Variants in EDEM2 observed in about 807,000 individuals in gnomAD.
EDEM2 encodes ER degradation enhancing alpha-mannosidase like protein 2, also known as ER degradation-enhancing alpha-mannosidase-like protein 2.
Under a neutral mutation model 64.8 loss-of-function variants are expected in EDEM2, and 39 were observed. The ratio of observed to expected loss-of-function variants is 0.60; its 90% CI spans 0.47 to 0.79. EDEM2 has a LOEUF of 0.79. EDEM2 is among the 30% of genes least tolerant of loss of function. The probability of loss-of-function intolerance (pLI) is 0.00; values close to 1 mark genes in which losing one functional copy is unlikely to be tolerated. For synonymous variants in EDEM2, 296 were observed against 291.5 expected (o/e 1.02, Z -0.16); for missense variants, 609 against 731.3 (o/e 0.83, Z 1.93).
intron 2 of EDEM2, among the ~76,000 whole-genome samples, chr20:35,146,002 CAAAAA>C (rs138113879): frequency 1.2e-4 from 10 of 82,796 alleles, no homozygotes; most frequent in East Asian, 4.1e-4. Flanking sequence ...AACTCCATCT[CAAAAA>C]AAAAAAAAAA....
chr20:35,144,883 G>T, intron 3 of EDEM2, 96 bp downstream of exon 3: 1 of 1,398,306 alleles, frequency 7.2e-7, no homozygotes, highest in Non-Finnish European at 1.0e-6. Flanking sequence ...AGGCCTAGGA[G>T]AGGAATTCAT....
At chr20:35,138,936 AT>A (rs1171757830) in intron 4 of EDEM2, among the ~76,000 whole-genome samples, 1 of 152,062 alleles carries the variant, frequency 6.6e-6, no homozygotes, top group Non-Finnish European at 1.5e-5. Flanking sequence ...AGCTAAATAG[AT>A]ATCCTGAGTG....
rs1312774642 is a variant in EDEM2, at chr20:35,138,000, C to G, written c.370G>C (p.Gly124Arg). Residue 124 changes from glycine (G) to arginine (R), a missense_variant, in exon 5 of 11, where the codon GGA becomes CGA. Physicochemically the swap from Gly to Arg is moderately radical, Grantham distance 125. Coordinates refer to ENST00000374492, the MANE Select transcript of EDEM2 (RefSeq NM_018217.3). Reference sequence around the variant, plus strand: ...AGCAGATGAGCAGACAGGAGTCCTCCTACCACTACAGATGGCACAGAAAGC... The same window carrying G: ...AGCAGATGAGCAGACAGGAGTCCTCGTACCACTACAGATGGCACAGAAAGC... ...SVFETNIRVVGGLLSAHLLSK... is the reference protein window; with the variant it reads ...SVFETNIRVVRGLLSAHLLSK... The G allele has an allele frequency of 6.2e-7, 1 of 1,614,004 alleles. No homozygotes were observed. Among genetic ancestry groups the G allele is most frequent in the Non-Finnish European group, 8.5e-7 (1 of 1,179,928 alleles).
intron 7 of EDEM2, among the ~76,000 whole-genome samples, chr20:35,131,162 G>A (rs1442639309): frequency 1.3e-5 from 2 of 152,212 alleles, no homozygotes; most frequent in East Asian, 1.9e-4. Flanking sequence ...AATGCAGCAC[G>A]CTTCAGTTGG....
intron 3 of EDEM2, among the ~76,000 whole-genome samples, chr20:35,143,608 A>G (rs2146116346): frequency 6.6e-6 from 1 of 152,290 alleles, no homozygotes; most frequent in Admixed American, 6.5e-5. Context: ...TTTGATAGTA[A>G]CATCTCAATT....
intron 5 of EDEM2, among the ~76,000 whole-genome samples, chr20:35,135,748 AG>A (rs2085567539): frequency 6.6e-6 from 1 of 152,372 alleles, no homozygotes; most frequent in African/African-American, 2.4e-5. Context: ...TTTAAAGGGA[AG>A]CAAAATAGGA....
intron 7 of EDEM2, 29 bp from the exon 8 acceptor site, chr20:35,126,404 A>G (rs2085433203): frequency 6.2e-7 from 1 of 1,611,686 alleles, no homozygotes; most frequent in Non-Finnish European, 8.5e-7. Flanking sequence ...GATAATGGAC[A>G]TATGAGTGAT....
chr20:35,143,924 T>C (rs1015570359), intron 3 of EDEM2, among the ~76,000 whole-genome samples: 1 of 151,964 alleles, frequency 6.6e-6, no homozygotes, highest in Non-Finnish European at 1.5e-5. Flanking sequence ...TTTTTGTTTG[T>C]GTGAGACAGG....
chr20:35,130,764 T>C (rs910278407), intron 7 of EDEM2, among the ~76,000 whole-genome samples: 2 of 152,204 alleles, frequency 1.3e-5, no homozygotes, highest in African/African-American at 2.4e-5. Context: ...ACTGTAGCTA[T>C]AATAATAATA....
At chr20:35,137,043 G>T (rs2085586006) in intron 5 of EDEM2, among the ~76,000 whole-genome samples, 1 of 152,146 alleles carries the variant, frequency 6.6e-6, no homozygotes, top group Admixed American at 6.6e-5. Flanking sequence ...TCTCCTTCCT[G>T]ACCTCATTTT....
Position 35,115,400 on chromosome 20 carries a change from C to T in EDEM2, c.*33G>A. 6.3e-7 allele frequency: 1 copy of T among 1,584,210 alleles called. No homozygotes were observed. Among genetic ancestry groups the T allele is most frequent in the Non-Finnish European group, 8.6e-7 (1 of 1,168,566 alleles). On this transcript the variant is annotated 3_prime_UTR_variant, in exon 11 of 11. Transcript: ENST00000374492. ...AAAGCAATTTATTATAGTTTAGCCT[C>T]AAAAAAATAAAAATAAAAAAATTAT...
At chr20:35,145,616 G>T (rs1349830053) in intron 2 of EDEM2, among the ~76,000 whole-genome samples, 1 of 152,214 alleles carries the variant, frequency 6.6e-6, no homozygotes, top group Admixed American at 6.5e-5. Context: ...GCAATTGTTA[G>T]GGTCAGTGGT....
At position 35,131,722 on chromosome 20, in the gene EDEM2, G is replaced by C; in HGVS notation, c.764C>G (p.Ala255Gly). The stretch of plus-strand genomic sequence containing the variant: ...GTACTCAAAGTAGGAGTCCACGCCA[G>C]CCCCGATGCCTGCGTCCTGGGCCAC... ...KWVAQDAGIG[A>G]GVDSYFEYLV... is the part of the protein sequence containing the mutation. The change falls in exon 7 of 11, where the codon GCT (alanine) becomes GGT (glycine). Residue 255 changes from alanine to glycine, a missense_variant. Physicochemically the swap from Ala to Gly is moderately conservative, Grantham distance 60. Coordinates refer to ENST00000374492, the MANE Select transcript of EDEM2 (RefSeq NM_018217.3). 10 of 1,614,192 alleles carry C rather than the reference G, an allele frequency of 6.2e-6. No homozygotes were observed. Among genetic ancestry groups the C allele is most frequent in the Non-Finnish European group, 8.5e-6 (10 of 1,180,022 alleles).
At position 35,147,254 on chromosome 20, in the gene EDEM2, G is replaced by C; in HGVS notation, c.5C>G (p.Pro2Arg). The C allele has an allele frequency of 6.4e-7, 1 of 1,572,384 alleles. No homozygotes were observed. The highest frequency in any genetic ancestry group is 1.2e-5 in the South Asian group (1 of 86,698). Residue 2 changes from proline to arginine, a missense_variant, in exon 1 of 11, where the codon CCT becomes CGT. Coordinates refer to ENST00000374492, the MANE Select transcript of EDEM2 (RefSeq NM_018217.3). The part of the protein sequence containing the change: M[P>R]FRLLIPLGLL... ...GCCGAGCGGGATGAGCAGCCGGAAAGGCATAGAGCTCGTGTCCTCTCAGCG... is the reference window on the plus strand; with the variant it reads ...GCCGAGCGGGATGAGCAGCCGGAAACGCATAGAGCTCGTGTCCTCTCAGCG...
In EDEM2 at chr20:35,115,446, A is replaced by G. The variant is rs1469723962; in HGVS notation, c.1724T>C (p.Leu575Pro). ...ATTATCCAGTGGTTATGAGGAGTCT[A>G]GGAAAACCTGTCCCAGTAATGCCAA... ...SKLALLGQVFLDSS is the reference protein window; with the variant it reads ...SKLALLGQVFPDSS The change falls in exon 11 of 11, where the codon CTA becomes CCA. Residue 575 changes from leucine (L) to proline (P), a missense_variant. Physicochemically the swap from Leu to Pro is moderately conservative, Grantham distance 98 (BLOSUM62 -3). Coordinates refer to ENST00000374492, the MANE Select transcript of EDEM2 (RefSeq NM_018217.3). 1 of 1,613,798 alleles carries G rather than the reference A, an allele frequency of 6.2e-7. No individual in the cohort carries two copies.
Position 35,141,119 on chromosome 20 carries a change from C to CAAAAAAAA in EDEM2, c.364+1246_364+1253dup, listed in dbSNP as rs58702725. On this transcript the variant is annotated intron_variant, in intron 4 of 10. Transcript: ENST00000374492. ...TGGGCGACAGAGTGAGACTCCGCCT[C>CAAAAAAAA]AAAAAAAAAAAAAAAAAAAAAAAAA... is the stretch of plus-strand genomic sequence containing the variant. Among the ~76,000 whole-genome samples, 5 of 29,376 alleles carry CAAAAAAAA rather than the reference C, an allele frequency of 1.7e-4. 1 individual carries two copies. The highest frequency in any genetic ancestry group is 5.3e-4 in the African/African-American group (5 of 9,488). The allele number at this position is 29,376 out of a possible 152,430, so 19.3% of individuals were successfully genotyped here.
Position 35,115,921 on chromosome 20 carries a change from G to A in EDEM2, c.1249C>T (p.Arg417Ter). 6.8e-6 allele frequency: 11 copies of A among 1,613,550 alleles called. No individual in the cohort carries two copies. Among genetic ancestry groups the A allele is most frequent in the African/African-American group, 1.3e-5 (1 of 75,028 alleles). ...ATGCGGTTGTCCAGCTTGTGGTCTC[G>A]CAGATCTTTGATCTGACATGTGGGA... The part of the protein sequence containing the change: ...ECGFATIKDL[R>*]DHKLDNRMES... Residue 417 changes from arginine to a stop codon, truncating the protein, a stop_gained, in exon 11 of 11, where the codon CGA becomes TGA. Transcript: ENST00000374492. LOFTEE classifies it high-confidence loss of function.
chr20:35,146,800 C>T, intron 2 of EDEM2, 25 bp downstream of exon 2: 3 of 1,610,490 alleles, frequency 1.9e-6, no homozygotes, highest in Non-Finnish European at 2.5e-6. Context: ...ACCCTGGCCG[C>T]CCCTTGCCCC....
chr20:35,115,617 T>C lies in EDEM2; in HGVS notation c.1553A>G (p.Asn518Ser), dbSNP rs767182581. 4 of 1,614,050 alleles carry C rather than the reference T, an allele frequency of 2.5e-6. No homozygotes were observed. The South Asian group carries it at 4.4e-5, about 18-fold the overall frequency. Residue 518 changes from asparagine (N) to serine (S), a missense_variant, in exon 11 of 11, where the codon AAC (asparagine) becomes AGC (serine). Physicochemically the swap from Asn to Ser is conservative, Grantham distance 46. Coordinates refer to ENST00000374492, the MANE Select transcript of EDEM2 (RefSeq NM_018217.3). Reference sequence around the variant, plus strand: ...TTCCCATGGCCCCGAACTAACAGTGTTTTTCTGAAATTTCGACCTGCTCCG... The same window carrying C: ...TTCCCATGGCCCCGAACTAACAGTGCTTTTCTGAAATTTCGACCTGCTCCG... ...LKRSRSKFQK[N>S]TVSSGPWEPP...
Sources: allele counts gnomAD v4.1 joint callset (sites outside exome capture counted in the v4.1 genomes callset), GRCh38; gene constraint gnomAD v4.1.1; transcripts MANE v1.5; gene names NCBI Gene and HGNC (gene_info 2026-07-23, HGNC 2026-07-21).